FABP6: variants seen among roughly 807,000 people sequenced by gnomAD.
The protein encoded by FABP6 is fatty acid binding protein 6, also known as gastrotropin.
A neutral mutation model predicts 14.9 loss-of-function variants in FABP6; 13 were observed. That is an observed-to-expected ratio of 0.87 (90% CI 0.57 to 1.39). The LOEUF (loss-of-function observed/expected upper bound fraction) is 1.39. Among genes scored for constraint, FABP6 ranks in the 40% most tolerant of loss-of-function variants. The pLI is 0.00. For synonymous variants in FABP6, 75 were observed against 63.6 expected, an observed-to-expected ratio of 1.18 and a Z score of -0.85; for missense variants, 161 against 167.2, an observed-to-expected ratio of 0.96 and a Z score of 0.20.
chr5:160,216,761 G>C (rs561232222), intron 3 of FABP6, among the ~76,000 whole-genome samples: 1 of 152,278 alleles, frequency 6.6e-6, no homozygotes, highest in Admixed American at 6.5e-5. Context: ...TGTAAGTAGG[G>C]ATTATTACAG....
chr5:160,207,831 C>T (rs563289177), intron 2 of FABP6, among the ~76,000 whole-genome samples: 235 of 151,126 alleles, frequency 1.6e-3, no homozygotes, highest in African/African-American at 5.4e-3. Flanking sequence ...TCAAGCGCTT[C>T]TCCTGCCTCA....
upstream of FABP6, chr5:160,229,488 G>T: frequency 6.2e-7 from 1 of 1,609,990 alleles, no homozygotes; most frequent in Non-Finnish European, 8.5e-7. Flanking sequence ...TATAAGCTGG[G>T]ATAGCAGACC....
At chr5:160,212,550 G>A (rs1580909879) in intron 2 of FABP6, among the ~76,000 whole-genome samples, 1 of 149,866 alleles carries the variant, frequency 6.7e-6, no homozygotes, top group Admixed American at 6.6e-5. Context: ...CTCACTGCAA[G>A]CTCCGCCTCC....
intron 2 of FABP6, among the ~76,000 whole-genome samples, chr5:160,205,533 C>T (rs1481857637): frequency 6.6e-6 from 1 of 152,162 alleles, no homozygotes; most frequent in African/African-American, 2.4e-5. Context: ...AGGCTGACTC[C>T]AACCCTGCTC....
intron 2 of FABP6, among the ~76,000 whole-genome samples, chr5:160,212,599 G>C (rs986815248): frequency 2.6e-5 from 4 of 152,018 alleles, no homozygotes; most frequent in African/African-American, 9.7e-5. Context: ...CTCCTGAGTA[G>C]ATGGGACTAC....
intron 2 of FABP6, among the ~76,000 whole-genome samples, chr5:160,211,126 T>G (rs544477944): frequency 3.9e-5 from 6 of 152,286 alleles, no homozygotes; most frequent in Admixed American, 2.0e-4. Flanking sequence ...CGGACCCTTT[T>G]TCTGTCCTGG....
chr5:160,211,671 G>A (rs1490608790), intron 2 of FABP6, among the ~76,000 whole-genome samples: 1 of 152,294 alleles, frequency 6.6e-6, no homozygotes, highest in East Asian at 1.9e-4. Context: ...CTGGTGCTAT[G>A]TGCTATCTGG....
intron 3 of FABP6, among the ~76,000 whole-genome samples, chr5:160,214,103 CTTTCTT>C (rs1323048294): frequency 3.3e-5 from 4 of 120,850 alleles, no homozygotes; most frequent in Non-Finnish European, 6.9e-5. Context: ...TTCTTTCTTT[CTTTCTT>C]TCTTTCTTTC....
chr5:160,233,286 G>C lies in FABP6; in HGVS notation c.243+1013G>C, dbSNP rs374749322. ...TGAGCCACCGTGCCCAGCCATAAGTGCTTTTTTTATGCTGCCTCTCTGTGT... is the reference window on the plus strand; with the variant it reads ...TGAGCCACCGTGCCCAGCCATAAGTCCTTTTTTTATGCTGCCTCTCTGTGT... On this transcript the variant is annotated intron_variant, in intron 2 of 3. Transcript: ENST00000402432. Among the ~76,000 whole-genome samples, 87 of 152,000 alleles carry C rather than the reference G, an allele frequency of 5.7e-4. 2 individuals are homozygous for C. In the South Asian group the frequency reaches 0.017, roughly 30 times the overall value.
chr5:160,225,326 G>C (rs545830276), upstream of FABP6, among the ~76,000 whole-genome samples: 1 of 151,304 alleles, frequency 6.6e-6, no homozygotes, highest in African/African-American at 2.4e-5. Context: ...CGAACTCCTA[G>C]CCTTGTGATC....
chr5:160,190,884 G>C (rs566092268), intron 1 of FABP6, among the ~76,000 whole-genome samples: 1 of 151,858 alleles, frequency 6.6e-6, no homozygotes, highest in African/African-American at 2.4e-5. Flanking sequence ...AGGCCGAGGC[G>C]GGCGGATCAT....
chr5:160,216,937 T>G (rs1760024535), intron 3 of FABP6, among the ~76,000 whole-genome samples: 1 of 152,166 alleles, frequency 6.6e-6, no homozygotes, highest in Non-Finnish European at 1.5e-5. Context: ...TTCCTTTTAG[T>G]TAGTGGACAA....
At chr5:160,211,862 T>C (rs1759897826) in intron 2 of FABP6, among the ~76,000 whole-genome samples, 1 of 152,186 alleles carries the variant, frequency 6.6e-6, no homozygotes, top group Non-Finnish European at 1.5e-5. Context: ...TGCACAGTTA[T>C]AGGCCCTGCC....
intron 2 of FABP6, among the ~76,000 whole-genome samples, chr5:160,199,390 C>T (rs952019368): frequency 2.6e-5 from 4 of 152,212 alleles, no homozygotes; most frequent in East Asian, 1.9e-4. Flanking sequence ...AGGACGGACA[C>T]TTGGAGTAGT....
At chr5:160,214,607 C>G (rs1240984830) in intron 3 of FABP6, among the ~76,000 whole-genome samples, 3 of 152,012 alleles carry the variant, frequency 2.0e-5, no homozygotes, top group Non-Finnish European at 2.9e-5. Flanking sequence ...TGCCTGGCCT[C>G]AAGTGGATTT....
intron 3 of FABP6, among the ~76,000 whole-genome samples, chr5:160,237,026 G>A (rs967222147): frequency 2.0e-5 from 3 of 152,228 alleles, no homozygotes; most frequent in Non-Finnish European, 4.4e-5. Context: ...GTACAGTGTT[G>A]AAAAACTGTA....
At chr5:160,226,500 G>A (rs1184519996), upstream of FABP6, among the ~76,000 whole-genome samples, 1 of 150,426 alleles carries the variant, frequency 6.6e-6, no homozygotes, top group African/African-American at 2.5e-5. Context: ...GGCGGAGGTT[G>A]CAGTGAGCCG....
intron 1 of FABP6, among the ~76,000 whole-genome samples, chr5:160,188,688 G>C (rs1759339284): frequency 2.0e-5 from 3 of 152,246 alleles, no homozygotes; most frequent in African/African-American, 7.2e-5. Context: ...CGCCGGGACC[G>C]GGCTGTTAGC....
intron 3 of FABP6, among the ~76,000 whole-genome samples, chr5:160,216,809 C>T (rs757202408): frequency 1.5e-4 from 23 of 152,146 alleles, no homozygotes; most frequent in Admixed American, 2.6e-4. Context: ...AACAGAGATG[C>T]CATGTGTTGA....
Sources: allele counts gnomAD v4.1 joint callset (sites outside exome capture counted in the v4.1 genomes callset), GRCh38; gene constraint gnomAD v4.1.1; transcripts MANE v1.5; gene names NCBI Gene and HGNC (gene_info 2026-07-23, HGNC 2026-07-21).